Variants in TRPM3 observed in about 807,000 individuals in gnomAD.
The protein encoded by TRPM3 is long transient receptor potential channel 3.
Under a neutral mutation model 181.2 loss-of-function variants are expected in TRPM3, and 77 were observed. That is an observed-to-expected ratio of 0.42 (90% CI 0.35 to 0.51). The LOEUF (loss-of-function observed/expected upper bound fraction) is 0.51, where lower values mean the gene tolerates loss of function less well. Among genes scored for constraint, TRPM3 ranks in the 20% least tolerant of loss-of-function variants. The pLI, the probability that TRPM3 is intolerant of heterozygous loss-of-function variation, is 0.01. For synonymous variants in TRPM3, 745 were observed against 796.4 expected (o/e 0.94, Z 1.09); for missense variants, 1,759 against 2,196.7 (o/e 0.80, Z 3.98).
At chr9:71,154,811 G>T (rs770973498) in intron 1 of TRPM3, among the ~76,000 whole-genome samples, 7 of 152,264 alleles carry the variant, frequency 4.6e-5, no homozygotes, top group African/African-American at 9.6e-5. Flanking sequence ...AGAATGGAAT[G>T]CCAAGATTGG....
intron 1 of TRPM3, among the ~76,000 whole-genome samples, chr9:71,420,975 A>AAGGGAGAGAAAAAGGGAGAGAAAG (rs2093754655): frequency 1.6e-5 from 2 of 126,660 alleles, no homozygotes; most frequent in South Asian, 3.1e-4. Context: ...GGGAGAGAAA[A>AAGGGAGAGAAAAAGGGAGAGAAAG]AGAGAGAGAA....
At chr9:71,344,442 C>G (rs1221618364) in intron 1 of TRPM3, among the ~76,000 whole-genome samples, 4 of 151,040 alleles carry the variant, frequency 2.6e-5, no homozygotes, top group Admixed American at 2.0e-4. Flanking sequence ...TAGAGTGAGA[C>G]TCCATCTCAA....
rs147551558 is a variant in TRPM3, at chr9:70,883,761, C to T, written c.178-19250G>A. On this transcript the variant is annotated intron_variant, in intron 1 of 25. Coordinates refer to ENST00000677713, the MANE Select transcript of TRPM3 (RefSeq NM_001366145.2). ...GCCCTATGGTAGAAGAAGCTGACAT[C>T]GAGGGGCGATGAGACTTGCTCAAGT... is the stretch of plus-strand genomic sequence containing the variant. Among the ~76,000 whole-genome samples, 93 of 152,288 alleles carry T rather than the reference C, an allele frequency of 6.1e-4. No homozygotes were observed. The East Asian group carries it at 9.7e-3, about 16-fold the overall frequency.
chr9:71,357,760 CTTATCTTTTCTCTTTTCT>C (rs2091964849), intron 1 of TRPM3, among the ~76,000 whole-genome samples: 1 of 150,958 alleles, frequency 6.6e-6, no homozygotes, highest in Non-Finnish European at 1.5e-5. Flanking sequence ...GCATCTTTTT[CTTATCTTTTCTCTTTTCT>C]TTTTCCTCTT....
chr9:71,318,352 A>C (rs1037751897), intron 1 of TRPM3, among the ~76,000 whole-genome samples: 1 of 152,174 alleles, frequency 6.6e-6, no homozygotes, highest in Non-Finnish European at 1.5e-5. Flanking sequence ...ATTTTGACTT[A>C]CTACAAATTT....
intron 1 of TRPM3, among the ~76,000 whole-genome samples, chr9:70,874,217 T>C (rs2095836827): frequency 6.6e-6 from 1 of 151,948 alleles, no homozygotes; most frequent in Admixed American, 6.6e-5. Flanking sequence ...AATTTTAAAA[T>C]ATACTTCTGT....
In TRPM3 at chr9:70,784,284, A is replaced by G. The variant is rs774355093; in HGVS notation, c.974-5T>C. 1 of 1,574,086 alleles carries G rather than the reference A, an allele frequency of 6.4e-7. No homozygotes were observed. Reference sequence around the variant, plus strand: ...CAGGAACACCTTGACCGATTCCTGCATTAAAAAAGGAAAAGAAAAGGAAAA... The same window carrying G: ...CAGGAACACCTTGACCGATTCCTGCGTTAAAAAAGGAAAAGAAAAGGAAAA... On this transcript the variant is annotated splice_region_variant and splice_polypyrimidine_tract_variant and intron_variant, in intron 6 of 25. Transcript: ENST00000677713.
intron 1 of TRPM3, among the ~76,000 whole-genome samples, chr9:71,212,356 G>A (rs1473712869): frequency 6.6e-6 from 1 of 152,124 alleles, no homozygotes; most frequent in Non-Finnish European, 1.5e-5. Flanking sequence ...GAGGTTTGGT[G>A]TAATGTTTAG....
intron 1 of TRPM3, among the ~76,000 whole-genome samples, chr9:71,111,266 G>A (rs953861996): frequency 2.0e-5 from 3 of 152,186 alleles, no homozygotes; most frequent in South Asian, 4.1e-4. Context: ...AAAAGAAAGT[G>A]TGTCTAAAGT....
intron 8 of TRPM3, among the ~76,000 whole-genome samples, chr9:70,739,692 C>A (rs976646628): frequency 6.6e-6 from 1 of 152,080 alleles, no homozygotes; most frequent in Admixed American, 6.6e-5. Flanking sequence ...TTCACTGCAA[C>A]TTCTGCCTTC....
intron 8 of TRPM3, among the ~76,000 whole-genome samples, chr9:70,741,664 G>A (rs2074128538): frequency 6.6e-6 from 1 of 152,156 alleles, no homozygotes; most frequent in Admixed American, 6.5e-5. Flanking sequence ...TGGAATGATG[G>A]CATTCATAGC....
intron 22 of TRPM3, among the ~76,000 whole-genome samples, chr9:70,571,642 T>C (rs2052420761): frequency 2.0e-5 from 3 of 152,160 alleles, no homozygotes; most frequent in Admixed American, 1.3e-4. Context: ...GTGCCTCATT[T>C]TCCTTGCCCA....
chr9:70,756,517 C>T (rs1337179958), intron 8 of TRPM3, among the ~76,000 whole-genome samples: 2 of 152,116 alleles, frequency 1.3e-5, no homozygotes, highest in African/African-American at 2.4e-5. Context: ...CAGAACTTTC[C>T]ACCCCAAATC....
chr9:70,888,063 A>G (rs559967701), intron 1 of TRPM3, among the ~76,000 whole-genome samples: 1 of 152,304 alleles, frequency 6.6e-6, no homozygotes, highest in African/African-American at 2.4e-5. Context: ...ATATCTTCAA[A>G]GCTCTACAGA....
At chr9:70,553,437 T>C in intron 22 of TRPM3, 127 bp from the exon 23 acceptor site, 1 of 1,227,818 alleles carries the variant, frequency 8.1e-7, no homozygotes, top group Non-Finnish European at 1.1e-6. Context: ...AGAAAAAAGT[T>C]CCAAACAAGC....
At chr9:71,267,425 C>T (rs2083462649) in intron 1 of TRPM3, among the ~76,000 whole-genome samples, 1 of 152,178 alleles carries the variant, frequency 6.6e-6, no homozygotes, top group South Asian at 2.1e-4. Flanking sequence ...AGGGAGCACT[C>T]AGCTCTGTAG....
chr9:71,397,060 A>G (rs1051213835), intron 1 of TRPM3, among the ~76,000 whole-genome samples: 3 of 152,100 alleles, frequency 2.0e-5, no homozygotes, highest in Non-Finnish European at 4.4e-5. Context: ...CACATTTCCA[A>G]TTCTCCAACA....
chr9:70,652,301 G>A (rs2059697725), intron 9 of TRPM3, among the ~76,000 whole-genome samples: 1 of 152,072 alleles, frequency 6.6e-6, no homozygotes, highest in Non-Finnish European at 1.5e-5. Flanking sequence ...GAAGTGCTAA[G>A]TGACACCCGA....
chr9:71,211,407 CCTGTA>C (rs1325970944), intron 1 of TRPM3, among the ~76,000 whole-genome samples: 10 of 149,760 alleles, frequency 6.7e-5, no homozygotes, highest in Non-Finnish European at 1.0e-4. Context: ...CTCCATGGGT[CCTGTA>C]CTAAAGACAG....
Sources: gnomAD v4.1 joint callset for allele counts (sites outside exome capture counted in the v4.1 genomes callset) on GRCh38, gnomAD v4.1.1 for gene constraint, MANE v1.5 for transcripts, NCBI Gene and HGNC (gene_info 2026-07-23, HGNC 2026-07-21) for gene names.